The following TDRD1 variants were observed in gnomAD, a reference collection of about 807,000 sequenced individuals.
TDRD1 encodes tudor domain containing 1.
A neutral mutation model predicts 140.6 loss-of-function variants in TDRD1; 37 were observed. The ratio of observed to expected loss-of-function variants is 0.26; its 90% CI spans 0.20 to 0.35. The LOEUF is 0.35. Among genes scored for constraint, TDRD1 ranks in the 10% least tolerant of loss-of-function variants. The probability of loss-of-function intolerance (pLI) is 1.00; values close to 1 mark genes in which losing one functional copy is unlikely to be tolerated. For missense variants in TDRD1, 1,243 were observed against 1,393.0 expected, an observed-to-expected ratio of 0.89 and a Z score of 1.71; for synonymous variants, 506 against 475.7, an observed-to-expected ratio of 1.06 and a Z score of -0.83.
chr10:114,231,529 G>A (rs1308292238), exon 26 of TDRD1: 1 of 1,588,724 alleles, frequency 6.3e-7, no homozygotes, highest in African/African-American at 1.4e-5. Context: ...ACAGGAAACA[G>A]CAAAGGCTAG....
chr10:114,175,109 A>G (rs1025435844), upstream of TDRD1, among the ~76,000 whole-genome samples: 3 of 152,158 alleles, frequency 2.0e-5, no homozygotes, highest in Non-Finnish European at 4.4e-5. Context: ...ATGGCACCTC[A>G]CTCCTCCTTA....
chr10:114,193,994 G>C (rs1025662736), intron 3 of TDRD1, among the ~76,000 whole-genome samples: 1 of 152,124 alleles, frequency 6.6e-6, no homozygotes, highest in African/African-American at 2.4e-5. Flanking sequence ...TAATTTGGTG[G>C]ATTACATTGA....
exon 15 of TDRD1, chr10:114,213,584 C>A: frequency 6.2e-7 from 1 of 1,613,294 alleles, no homozygotes. Flanking sequence ...TGAAAGAAAC[C>A]AGTGGTAAGT....
intron 16 of TDRD1, among the ~76,000 whole-genome samples, chr10:114,215,198 C>T (rs2035737560): frequency 6.6e-6 from 1 of 152,168 alleles, no homozygotes; most frequent in South Asian, 2.1e-4. Context: ...ATGTCTGTAC[C>T]TTGTTTTTCC....
At chr10:114,204,953 C>A in intron 10 of TDRD1, 60 bp downstream of exon 10, 1 of 1,425,782 alleles carries the variant, frequency 7.0e-7, no homozygotes, top group Non-Finnish European at 9.3e-7. Context: ...ACCTGTTACT[C>A]AGAAGAAACG....
chr10:114,219,017 A>G (rs1476072645), intron 18 of TDRD1, among the ~76,000 whole-genome samples: 1 of 152,248 alleles, frequency 6.6e-6, no homozygotes, highest in Non-Finnish European at 1.5e-5. Context: ...ATGGATAATG[A>G]TAGTACTTAT....
intron 16 of TDRD1, among the ~76,000 whole-genome samples, chr10:114,215,741 T>C (rs1438216993): frequency 6.6e-6 from 1 of 152,174 alleles, no homozygotes; most frequent in Non-Finnish European, 1.5e-5. Context: ...TTGAAGTTCC[T>C]TTTTATTTTT....
intron 16 of TDRD1, among the ~76,000 whole-genome samples, chr10:114,216,153 G>A (rs570420471): frequency 2.0e-5 from 3 of 152,184 alleles, no homozygotes; most frequent in Non-Finnish European, 4.4e-5. Flanking sequence ...TGGCACATTT[G>A]TCGCAACAAA....
intron 5 of TDRD1, 94 bp downstream of exon 5, chr10:114,201,609 GA>G (rs1329381250): frequency 2.9e-5 from 28 of 980,572 alleles, no homozygotes; most frequent in African/African-American, 4.8e-5. Flanking sequence ...CAACCAAGTA[GA>G]AGTTACTTTT....
chr10:114,210,799 C>T, intron 12 of TDRD1, 51 bp downstream of exon 12: 1 of 1,612,224 alleles, frequency 6.2e-7, no homozygotes, highest in Non-Finnish European at 8.5e-7. Flanking sequence ...CTTCAAGAGA[C>T]TTGACATGTA....
intron 21 of TDRD1, among the ~76,000 whole-genome samples, chr10:114,224,729 G>A (rs762489908): frequency 2.0e-5 from 3 of 152,060 alleles, no homozygotes; most frequent in African/African-American, 4.8e-5. Context: ...GTTCTTTCAA[G>A]AGTGGAATGT....
chr10:114,191,915 C>T (rs2033991457), intron 3 of TDRD1, among the ~76,000 whole-genome samples: 1 of 152,212 alleles, frequency 6.6e-6, no homozygotes, highest in Non-Finnish European at 1.5e-5. Flanking sequence ...CCATTTTCAT[C>T]ACAGATGTGT....
intron 3 of TDRD1, among the ~76,000 whole-genome samples, chr10:114,193,226 TTAA>T (rs1385649689): frequency 1.8e-4 from 27 of 152,104 alleles, no homozygotes; most frequent in Non-Finnish European, 7.4e-5. Context: ...ATGTTCATTA[TTAA>T]TATGTGGAAA....
chr10:114,215,614 C>T (rs768152546), intron 16 of TDRD1, among the ~76,000 whole-genome samples: 1 of 152,054 alleles, frequency 6.6e-6, no homozygotes, highest in Non-Finnish European at 1.5e-5. Context: ...CAAATAAGGA[C>T]ATTAAAGTAG....
At chr10:114,201,867 G>C (rs1334393844) in intron 5 of TDRD1, among the ~76,000 whole-genome samples, 1 of 152,146 alleles carries the variant, frequency 6.6e-6, no homozygotes, top group Non-Finnish European at 1.5e-5. Context: ...AATTGTACTT[G>C]CATGGCATTT....
chr10:114,218,185 T>A (rs1204365098), intron 17 of TDRD1, among the ~76,000 whole-genome samples: 1 of 152,230 alleles, frequency 6.6e-6, no homozygotes, highest in Admixed American at 6.5e-5. Flanking sequence ...TTAATTCATA[T>A]CAAATGTAAA....
intron 18 of TDRD1, among the ~76,000 whole-genome samples, chr10:114,220,071 G>A (rs2036050299): frequency 6.6e-6 from 1 of 152,154 alleles, no homozygotes; most frequent in Non-Finnish European, 1.5e-5. Flanking sequence ...TTTTAACAAG[G>A]CCTCTAGGTG....
intron 1 of TDRD1, among the ~76,000 whole-genome samples, chr10:114,184,417 G>A (rs1227950961): frequency 6.6e-6 from 1 of 152,182 alleles, no homozygotes; most frequent in Non-Finnish European, 1.5e-5. Flanking sequence ...CCATCCTCAG[G>A]CTGTGCTTAT....
chr10:114,185,135 C>T (rs1333566407), intron 1 of TDRD1, among the ~76,000 whole-genome samples: 1 of 152,120 alleles, frequency 6.6e-6, no homozygotes, highest in Non-Finnish European at 1.5e-5. Flanking sequence ...TTTTACACAC[C>T]TCAAAACAAC....
Sources: gnomAD v4.1 joint callset for allele counts (sites outside exome capture counted in the v4.1 genomes callset) on GRCh38, gnomAD v4.1.1 for gene constraint, MANE v1.5 for transcripts, NCBI Gene and HGNC (gene_info 2026-07-23, HGNC 2026-07-21) for gene names.